MAPKAP1: variants seen among roughly 807,000 people sequenced by gnomAD.
MAPKAP1 encodes the protein target of rapamycin complex 2 subunit MAPKAP1.
Under a neutral mutation model 65.7 loss-of-function variants are expected in MAPKAP1, and 20 were observed. The observed-to-expected ratio is 0.30, with a 90% CI of 0.21 to 0.44. The LOEUF is 0.44. Ranked by LOEUF, MAPKAP1 falls within the 20% of genes least tolerant of loss-of-function variation. The pLI is 1.00. For missense variants in MAPKAP1, 423 were observed against 648.0 expected (o/e 0.65, Z 3.77); for synonymous variants, 222 against 244.3 (o/e 0.91, Z 0.85).
chr9:125,681,231 T>C (rs927110432), intron 1 of MAPKAP1, among the ~76,000 whole-genome samples: 1 of 152,230 alleles, frequency 6.6e-6, no homozygotes, highest in African/African-American at 2.4e-5. Context: ...GCGATTTGCT[T>C]TGACCAACAG....
intron 1 of MAPKAP1, among the ~76,000 whole-genome samples, chr9:125,684,533 A>G (rs974519534): frequency 8.5e-5 from 13 of 152,236 alleles, no homozygotes; most frequent in Middle Eastern, 3.2e-3. Context: ...TACTGAAACT[A>G]AACTATAGAA....
chr9:125,537,470 C>G (rs1830106746), intron 7 of MAPKAP1, among the ~76,000 whole-genome samples: 1 of 152,152 alleles, frequency 6.6e-6, no homozygotes, highest in Admixed American at 6.5e-5. Flanking sequence ...CCATGGCACA[C>G]AAATCCCCTT....
intron 7 of MAPKAP1, among the ~76,000 whole-genome samples, chr9:125,511,742 AC>A (rs1264379492): frequency 6.6e-6 from 1 of 152,228 alleles, no homozygotes; most frequent in African/African-American, 2.4e-5. Flanking sequence ...TTCACACTGA[AC>A]AGGACAAGGT....
chr9:125,512,052 G>C (rs1829316636), intron 7 of MAPKAP1, among the ~76,000 whole-genome samples: 1 of 152,212 alleles, frequency 6.6e-6, no homozygotes, highest in Non-Finnish European at 1.5e-5. Context: ...AAACATCTCA[G>C]CACATAAGTT....
chr9:125,588,200 C>T (rs1303596291), intron 4 of MAPKAP1, among the ~76,000 whole-genome samples: 2 of 152,024 alleles, frequency 1.3e-5, no homozygotes, highest in Non-Finnish European at 2.9e-5. Context: ...AAACAAAATC[C>T]ATACAATAGA....
Position 125,506,420 on chromosome 9 carries a change from G to A in MAPKAP1, c.959-3C>T, listed in dbSNP as rs745364794. ...CTTCTCCAGGCGGTACTGAGGGCCT[G>A]GAAGATCAAAGGGGCAGGAGGAGGG... On this transcript the variant is annotated splice_polypyrimidine_tract_variant and splice_region_variant and intron_variant, in intron 7 of 11. Transcript: ENST00000265960. 16 of 1,613,532 alleles carry A rather than the reference G, an allele frequency of 9.9e-6. No individual in the cohort carries two copies. In the East Asian group the frequency reaches 2.9e-4, roughly 29 times the overall value.
At chr9:125,581,738 C>A (rs970731577) in intron 5 of MAPKAP1, among the ~76,000 whole-genome samples, 2 of 151,892 alleles carry the variant, frequency 1.3e-5, no homozygotes, top group African/African-American at 4.8e-5. Flanking sequence ...TTTTTTCTTA[C>A]ATTTTACATT....
chr9:125,622,907 C>A (rs1368741028), intron 4 of MAPKAP1, among the ~76,000 whole-genome samples: 1 of 152,122 alleles, frequency 6.6e-6, no homozygotes, highest in Non-Finnish European at 1.5e-5. Flanking sequence ...AACCTCCCTG[C>A]CTGATTCTCC....
chr9:125,612,836 T>C (rs913990536), intron 4 of MAPKAP1, among the ~76,000 whole-genome samples: 3 of 152,184 alleles, frequency 2.0e-5, no homozygotes, highest in Non-Finnish European at 4.4e-5. Flanking sequence ...CTGACACTCA[T>C]CAAAAGAACA....
intron 4 of MAPKAP1, among the ~76,000 whole-genome samples, chr9:125,641,378 AT>A (rs917443250): frequency 1.3e-5 from 2 of 151,968 alleles, no homozygotes; most frequent in South Asian, 2.1e-4. Context: ...TGGTTTTTAC[AT>A]TTTTTTTCAG....
chr9:125,549,382 A>G (rs1183523121), intron 6 of MAPKAP1, among the ~76,000 whole-genome samples: 1 of 152,200 alleles, frequency 6.6e-6, no homozygotes, highest in African/African-American at 2.4e-5. Context: ...GTAGAAAATG[A>G]AAATATATGA....
At chr9:125,468,140 AC>A in intron 9 of MAPKAP1, 31 bp from the exon 10 acceptor site, 1 of 1,608,926 alleles carries the variant, frequency 6.2e-7, no homozygotes. Context: ...ACAAAAGAAA[AC>A]ACAAGAAGTA....
chr9:125,533,513 G>T (rs188300172), intron 7 of MAPKAP1, among the ~76,000 whole-genome samples: 128 of 151,964 alleles, frequency 8.4e-4, no homozygotes, highest in Admixed American at 5.2e-4. Flanking sequence ...ACAGTGGCAC[G>T]ATCTTGGCTT....
chr9:125,538,476 C>T (rs1364691531), intron 7 of MAPKAP1, among the ~76,000 whole-genome samples: 1 of 151,946 alleles, frequency 6.6e-6, no homozygotes, highest in African/African-American at 2.4e-5. Context: ...GATGGTGCCA[C>T]TTACTGTGCA....
At chr9:125,704,200 A>C (rs561559434) in intron 1 of MAPKAP1, among the ~76,000 whole-genome samples, 1 of 152,352 alleles carries the variant, frequency 6.6e-6, no homozygotes, top group East Asian at 1.9e-4. Context: ...CTCAGTGTTC[A>C]GCAGATAATC....
chr9:125,516,372 C>A (rs1032374174), intron 7 of MAPKAP1, among the ~76,000 whole-genome samples: 1 of 152,174 alleles, frequency 6.6e-6, no homozygotes, highest in African/African-American at 2.4e-5. Flanking sequence ...CTGGAAGAGG[C>A]CTAATTTTTA....
intron 5 of MAPKAP1, among the ~76,000 whole-genome samples, chr9:125,570,815 T>C (rs1396971008): frequency 1.3e-5 from 2 of 152,186 alleles, no homozygotes; most frequent in Admixed American, 6.5e-5. Flanking sequence ...ATTCAGTGTG[T>C]GAACATATTG....
chr9:125,703,537 C>T (rs1238063604), intron 1 of MAPKAP1, among the ~76,000 whole-genome samples: 2 of 152,018 alleles, frequency 1.3e-5, no homozygotes, highest in African/African-American at 4.8e-5. Flanking sequence ...TTTGAGAGCC[C>T]GAGGCAGGCA....
chr9:125,497,813 A>G (rs1280624309), intron 8 of MAPKAP1, among the ~76,000 whole-genome samples: 1 of 152,236 alleles, frequency 6.6e-6, no homozygotes, highest in Non-Finnish European at 1.5e-5. Flanking sequence ...TCAGGCTTAT[A>G]TTGGCCCTGA....
Sources: allele counts gnomAD v4.1 joint callset (sites outside exome capture counted in the v4.1 genomes callset), GRCh38; gene constraint gnomAD v4.1.1; transcripts MANE v1.5; gene names NCBI Gene and HGNC (gene_info 2026-07-23, HGNC 2026-07-21).